The following RAP1GAP variants were observed in gnomAD, a reference collection of about 807,000 sequenced individuals.
The protein encoded by RAP1GAP is rap1 GTPase-activating protein 1.
A neutral mutation model predicts 87.2 loss-of-function variants in RAP1GAP; 35 were observed. The ratio of observed to expected loss-of-function variants is 0.40; its 90% CI spans 0.31 to 0.53. RAP1GAP has a LOEUF of 0.53. RAP1GAP is among the 20% of genes least tolerant of loss of function. The pLI is 0.48. For missense variants in RAP1GAP, 734 were observed against 898.9 expected (o/e 0.82, Z 2.35); for synonymous variants, 375 against 363.9 (o/e 1.03, Z -0.35).
chr1:21,603,642 G>T lies in RAP1GAP; in HGVS notation c.1429-729C>A. ...CAGAAGCCCCTGGTGAGGGGCACTG[G>T]CTCTGGCACAGGTACCAGGCCCCAA... On this transcript the variant is annotated intron_variant, in intron 18 of 24. Coordinates refer to ENST00000374765, the MANE Select transcript of RAP1GAP (RefSeq NM_002885.4). The surrounding 1 kb of genome is among the most constrained non-coding windows in gnomAD (Gnocchi z 6.0). The T allele has an allele frequency of 2.6e-6, 2 of 759,894 alleles. No homozygotes were observed. The highest frequency in any genetic ancestry group is 1.8e-5 in the Admixed American group (1 of 57,028). 47.1% of individuals were successfully genotyped at this position (759,894 alleles called of 1,614,324 possible).
intron 3 of RAP1GAP, among the ~76,000 whole-genome samples, chr1:21,626,057 C>T (rs1021567578): frequency 7.2e-5 from 11 of 152,152 alleles, no homozygotes; most frequent in Non-Finnish European, 1.2e-4. Context: ...TTATTCCCAG[C>T]TGTTTTGCTT....
chr1:21,637,342 A>G (rs1335637136), intron 2 of RAP1GAP, among the ~76,000 whole-genome samples: 1 of 149,290 alleles, frequency 6.7e-6, no homozygotes, highest in Admixed American at 6.7e-5. Context: ...TTTTGTAGAG[A>G]CAGGGTTTCA....
rs1217867929 is a variant in RAP1GAP, at chr1:21,608,972, A to C, written c.1072-36T>G. ...CCAGTGTGGAGGAGATAAGGAAGGGAAGTTGAGATGACACATAAACAAGGG... is the reference window on the plus strand; with the variant it reads ...CCAGTGTGGAGGAGATAAGGAAGGGCAGTTGAGATGACACATAAACAAGGG... On this transcript the variant is annotated intron_variant, in intron 15 of 24. Transcript: ENST00000374765. The C allele has an allele frequency of 1.4e-5, 22 of 1,555,100 alleles. 1 individual carries two copies. In the Admixed American group the frequency reaches 3.5e-4, roughly 25 times the overall value.
chr1:21,651,697 G>T, intron 1 of RAP1GAP: 1 of 1,360,714 alleles, frequency 7.3e-7, no homozygotes, highest in Non-Finnish European at 1.0e-6. Context: ...CCAAACGCGA[G>T]CACACCCCGC....
Position 21,603,050 on chromosome 1 carries a change from T to G in RAP1GAP, c.1429-137A>C. 5 of 629,094 alleles carry G rather than the reference T, an allele frequency of 7.9e-6. No homozygotes were observed. Among genetic ancestry groups the G allele is most frequent in the African/African-American group, 1.8e-5 (1 of 54,322 alleles). The allele number at this position is 629,094 out of a possible 1,614,324, so 39.0% of individuals were successfully genotyped here. A position where few individuals can be genotyped will look rare whatever the true frequency, so the allele number is the denominator to read the frequency against. On this transcript the variant is annotated intron_variant, in intron 18 of 24. Transcript: ENST00000374765. This position sits in a 1 kb window ranked among gnomAD's most constrained non-coding sequence, Gnocchi z 6.0. Reference sequence around the variant, plus strand: ...AAGAAAGAACGAGAGAAGATATCCATTCCCAGAGACAGCCTCCCAGTTTAC... The same window carrying G: ...AAGAAAGAACGAGAGAAGATATCCAGTCCCAGAGACAGCCTCCCAGTTTAC...
At position 21,608,205 on chromosome 1, in the gene RAP1GAP, C is replaced by T. The variant is rs1041071153; in HGVS notation, c.1296+8G>A. The T allele has an allele frequency of 6.2e-7, 1 of 1,613,548 alleles. No homozygotes were observed. The highest frequency in any genetic ancestry group is 1.3e-5 in the African/African-American group (1 of 74,914). ...GCTCCCCGGCCAGTTAGACCTGGGG[C>T]CCTTCACCTTGAAAGACTCAAAGAA... On this transcript the variant is annotated splice_region_variant and intron_variant, in intron 17 of 24. Coordinates refer to ENST00000374765, the MANE Select transcript of RAP1GAP (RefSeq NM_002885.4).
chr1:21,604,693 G>C (rs979062726), intron 18 of RAP1GAP, among the ~76,000 whole-genome samples: 17 of 152,210 alleles, frequency 1.1e-4, no homozygotes, highest in African/African-American at 3.9e-4. Context: ...GGACAGCAGA[G>C]GTCGGGGAAT....
intron 1 of RAP1GAP, among the ~76,000 whole-genome samples, chr1:21,654,269 A>G (rs137872943): frequency 7.9e-5 from 12 of 152,384 alleles, no homozygotes; most frequent in African/African-American, 2.9e-4. Context: ...GTGAGCCTGT[A>G]GATGAATGGC....
At chr1:21,650,356 C>A (rs941984249) in intron 1 of RAP1GAP, among the ~76,000 whole-genome samples, 1 of 152,086 alleles carries the variant, frequency 6.6e-6, no homozygotes, top group Non-Finnish European at 1.5e-5. Flanking sequence ...GTACCCTGCT[C>A]CCTAAGACTT....
At chr1:21,631,765 G>C (rs1345605758) in intron 2 of RAP1GAP, among the ~76,000 whole-genome samples, 1 of 152,190 alleles carries the variant, frequency 6.6e-6, no homozygotes, top group Admixed American at 6.5e-5. Context: ...AGAAAACTGA[G>C]GCTCAGAGAG....
chr1:21,648,052 G>A (rs79843678), intron 2 of RAP1GAP, among the ~76,000 whole-genome samples: 12,439 of 152,272 alleles, frequency 0.082, 665 homozygotes, highest in Non-Finnish European at 0.13. Flanking sequence ...GGAGTTAAGC[G>A]ATGGCCTTTG....
intron 4 of RAP1GAP, among the ~76,000 whole-genome samples, chr1:21,619,370 G>C (rs541356373): frequency 2.6e-5 from 4 of 152,036 alleles, no homozygotes; most frequent in Admixed American, 6.5e-5. Context: ...GCTGGCGGGT[G>C]GGGGGACTGT....
In RAP1GAP at chr1:21,622,395, C is replaced by T. The variant is rs2088802074; in HGVS notation, c.-18-2345G>A. The T allele has an allele frequency of 7.3e-6, 3 of 412,428 alleles. No individual in the cohort carries two copies. In the South Asian group the frequency reaches 1.5e-4, roughly 20 times the overall value. The allele number at this position is 412,428 out of a possible 1,614,324, so 25.5% of individuals were successfully genotyped here. On this transcript the variant is annotated intron_variant, in intron 3 of 24. Coordinates refer to ENST00000374765, the MANE Select transcript of RAP1GAP (RefSeq NM_002885.4). The surrounding 1 kb of genome is among the most constrained non-coding windows in gnomAD (Gnocchi z 5.7). ...CTCCGCGGACGGCCGGGTGGCACCG[C>T]GGGCCGCAGCTGTGCCATCCTGAGC...
chr1:21,608,116 A>AC (rs2075973371), intron 17 of RAP1GAP, 97 bp downstream of exon 17: 6 of 1,478,814 alleles, frequency 4.1e-6, no homozygotes, highest in South Asian at 1.4e-5. Flanking sequence ...GCCAGACTCC[A>AC]CCCCCACGCC....
chr1:21,625,910 G>C (rs1246504900), intron 3 of RAP1GAP, among the ~76,000 whole-genome samples: 1 of 152,104 alleles, frequency 6.6e-6, no homozygotes, highest in Non-Finnish European at 1.5e-5. Flanking sequence ...GCTGTGCCTG[G>C]GCCGCCCTGT....
At position 21,610,291 on chromosome 1, in the gene RAP1GAP, C is replaced by T. The variant is rs570524998; in HGVS notation, c.844-16G>A. 1.9e-5 allele frequency: 30 copies of T among 1,613,702 alleles called. No homozygotes were observed. The highest frequency in any genetic ancestry group is 1.1e-4 in the East Asian group (5 of 44,870). ...TCCGCTGCAACTGAGCACAAAGCCA[C>T]GGGCCTTCGTGGTCTGGCCAGAGGG... On this transcript the variant is annotated splice_polypyrimidine_tract_variant and intron_variant, in intron 13 of 24. Transcript: ENST00000374765.
chr1:21,639,035 G>T (rs2095247507), intron 2 of RAP1GAP, among the ~76,000 whole-genome samples: 1 of 152,236 alleles, frequency 6.6e-6, no homozygotes. Flanking sequence ...AGTGGCCCAG[G>T]CAGCTGGGCC....
At chr1:21,618,879 G>T in intron 5 of RAP1GAP, 146 bp downstream of exon 5, 1 of 916,654 alleles carries the variant, frequency 1.1e-6, no homozygotes, top group Non-Finnish European at 1.7e-6. Context: ...TAGAAGCTGT[G>T]CCTCCCCCCC....
rs12025045 is a variant in RAP1GAP, at chr1:21,656,433, A to C, written c.-148-6637T>G. Reference sequence around the variant, plus strand: ...GACTCCATCTAAAAAAAAAAAAAAAAAAAAAAAAAAAAAAAAAAAAAGACC... The same window carrying C: ...GACTCCATCTAAAAAAAAAAAAAAACAAAAAAAAAAAAAAAAAAAAAGACC... On this transcript the variant is annotated intron_variant, in intron 1 of 24. Transcript: ENST00000374765. 6.7e-3 allele frequency among the ~76,000 whole-genome samples: 989 copies of C among 148,196 alleles called. 36 individuals are homozygous for C. The highest frequency in any genetic ancestry group is 0.014 in the South Asian group (64 of 4,700).
Sources: gnomAD v4.1 joint callset for allele counts (sites outside exome capture counted in the v4.1 genomes callset) on GRCh38, gnomAD v4.1.1 for gene constraint, Gnocchi (gnomAD v3.1) non-coding constraint, MANE v1.5 for transcripts, NCBI Gene and HGNC (gene_info 2026-07-23, HGNC 2026-07-21) for gene names.